Variants in MBNL2 observed in about 807,000 individuals in gnomAD.
MBNL2 encodes the protein muscleblind like splicing regulator 2, also known as muscleblind-like protein 2.
Under a neutral mutation model 41.9 loss-of-function variants are expected in MBNL2, and 17 were observed. The ratio of observed to expected loss-of-function variants is 0.41; its 90% CI spans 0.28 to 0.61. The LOEUF is 0.61. Among genes scored for constraint, MBNL2 ranks in the 20% least tolerant of loss-of-function variants. The pLI, the probability that MBNL2 is intolerant of heterozygous loss-of-function variation, is 0.35. For missense variants in MBNL2, 336 were observed against 505.6 expected (o/e 0.66, Z 3.22); for synonymous variants, 195 against 182.9 (o/e 1.07, Z -0.53).
intron 1 of MBNL2, among the ~76,000 whole-genome samples, chr13:97,225,150 T>TA (rs1461281294): frequency 1.3e-5 from 2 of 152,232 alleles, no homozygotes; most frequent in Non-Finnish European, 2.9e-5. Flanking sequence ...ATCACATGGC[T>TA]ACCAGCCAGT....
chr13:97,147,071 A>G, the MBNL2 span, among the ~76,000 whole-genome samples: 1 of 152,200 alleles, frequency 6.6e-6, no homozygotes, highest in Non-Finnish European at 1.5e-5. Flanking sequence ...AATGGCAGTT[A>G]TCCAAACAGA....
At position 97,242,319 on chromosome 13, in the gene MBNL2, T is replaced by C. The variant is rs1446598128; in HGVS notation, c.-605+19788T>C. ...TTCATAGCCAAGGCTCCCGCATTTC[T>C]TGGGCTGCATTAGGCAACTGAGACA... On this transcript the variant is annotated intron_variant, in intron 1 of 8. Transcript: ENST00000679496. Among the ~76,000 whole-genome samples the C allele has an allele frequency of 3.3e-5, 5 of 152,198 alleles. No individual in the cohort carries two copies. In the South Asian group the frequency reaches 1.0e-3, roughly 32 times the overall value.
the MBNL2 span, among the ~76,000 whole-genome samples, chr13:97,168,389 A>G: frequency 6.6e-6 from 1 of 152,242 alleles, no homozygotes; most frequent in African/African-American, 2.4e-5. Context: ...AAAACTGTCA[A>G]TAAATGAAGA....
At chr13:97,215,191 GA>G in the MBNL2 span, among the ~76,000 whole-genome samples, 1 of 150,388 alleles carries the variant, frequency 6.6e-6, no homozygotes, top group East Asian at 1.9e-4. Flanking sequence ...CCTGGGTCAG[GA>G]GGCATGATAT....
In MBNL2 at chr13:97,393,910, G is replaced by A. The variant is rs1353546327; in HGVS notation, c.*2461G>A. The A allele has an allele frequency of 1.3e-5, 2 of 152,528 alleles. No individual in the cohort carries two copies. Among genetic ancestry groups the A allele is most frequent in the African/African-American group, 4.8e-5 (2 of 41,428 alleles). The allele number at this position is 152,528 out of a possible 1,614,324, so 9.4% of individuals were successfully genotyped here. ...AACTACATTTCACTCTTGGTTTTCA[G>A]GATATAACAGCACTTCACCGAAATA... is the stretch of plus-strand genomic sequence containing the variant. On this transcript the variant is annotated 3_prime_UTR_variant, in exon 9 of 9. Coordinates refer to ENST00000679496, the MANE Select transcript of MBNL2 (RefSeq NM_001382683.1).
intron 1 of MBNL2, among the ~76,000 whole-genome samples, chr13:97,224,460 C>A (rs2041286287): frequency 6.6e-6 from 1 of 152,058 alleles, no homozygotes; most frequent in Non-Finnish European, 1.5e-5. Context: ...TTGACTGGAG[C>A]ACATTGGAGT....
intron 1 of MBNL2, among the ~76,000 whole-genome samples, chr13:97,271,778 A>G (rs191657316): frequency 6.6e-6 from 1 of 152,326 alleles, no homozygotes; most frequent in East Asian, 1.9e-4. Context: ...GCTGCATAGT[A>G]TTCCATGTTG....
At chr13:97,347,173 C>T (rs930514527) in intron 5 of MBNL2, 106 bp downstream of exon 5, 37 of 861,420 alleles carry the variant, frequency 4.3e-5, no homozygotes, top group Non-Finnish European at 5.4e-5. Context: ...TGGAAGGCTG[C>T]TATTCCTGCT....
the MBNL2 span, among the ~76,000 whole-genome samples, chr13:97,210,172 T>C: frequency 6.6e-6 from 1 of 152,256 alleles, no homozygotes; most frequent in Non-Finnish European, 1.5e-5. Context: ...CAGAGATTTT[T>C]TTCTAAGTGT....
the MBNL2 span, among the ~76,000 whole-genome samples, chr13:97,179,974 A>G: frequency 1.3e-5 from 2 of 152,244 alleles, no homozygotes; most frequent in Non-Finnish European, 2.9e-5. Flanking sequence ...ATAGAGCATG[A>G]ACAATTTCTG....
At chr13:97,207,128 A>C in the MBNL2 span, among the ~76,000 whole-genome samples, 1 of 152,202 alleles carries the variant, frequency 6.6e-6, no homozygotes, top group East Asian at 1.9e-4. Context: ...AAAGTGCTAG[A>C]GAAAACCTGT....
the MBNL2 span, among the ~76,000 whole-genome samples, chr13:97,176,999 C>G: frequency 2.0e-5 from 3 of 151,908 alleles, no homozygotes; most frequent in African/African-American, 7.3e-5. Flanking sequence ...GAAATGGATA[C>G]GAAGCAAGGT....
intron 4 of MBNL2, among the ~76,000 whole-genome samples, chr13:97,343,986 A>G (rs185470950): frequency 7.1e-4 from 108 of 152,230 alleles, no homozygotes; most frequent in Middle Eastern, 3.4e-3. Flanking sequence ...TTGTATTTTT[A>G]GTAGAGACAG....
At chr13:97,237,974 G>A (rs1026688644) in intron 1 of MBNL2, among the ~76,000 whole-genome samples, 1 of 152,150 alleles carries the variant, frequency 6.6e-6, no homozygotes, top group Non-Finnish European at 1.5e-5. Context: ...AGGATTGACT[G>A]GGGCCAAGGG....
chr13:97,263,475 G>C (rs1437026834), intron 1 of MBNL2, among the ~76,000 whole-genome samples: 1 of 152,142 alleles, frequency 6.6e-6, no homozygotes. Context: ...TACCCTGAGG[G>C]ACATGGTGGA....
At chr13:97,364,356 A>G (rs183927131) in intron 7 of MBNL2, among the ~76,000 whole-genome samples, 5 of 151,978 alleles carry the variant, frequency 3.3e-5, no homozygotes, top group African/African-American at 7.3e-5. Flanking sequence ...CTCAGCCCCA[A>G]CTCTGCACTA....
intron 8 of MBNL2, among the ~76,000 whole-genome samples, chr13:97,383,854 AGT>A (rs1566454729): frequency 6.6e-6 from 1 of 152,104 alleles, no homozygotes; most frequent in Non-Finnish European, 1.5e-5. Context: ...ACTATTTTTA[AGT>A]GTCTTTTCAT....
upstream of MBNL2, chr13:97,222,195 G>A: frequency 2.6e-6 from 1 of 386,034 alleles, no homozygotes; most frequent in Non-Finnish European, 4.6e-6. Flanking sequence ...CACACTGCAA[G>A]TGCTGTGTTA....
At chr13:97,368,673 A>C (rs766212840) in intron 8 of MBNL2, among the ~76,000 whole-genome samples, 1 of 151,398 alleles carries the variant, frequency 6.6e-6, no homozygotes, top group Non-Finnish European at 1.5e-5. Flanking sequence ...AAACTTTGAG[A>C]GAGAGATTCC....
Sources: gnomAD v4.1 joint callset for allele counts (sites outside exome capture counted in the v4.1 genomes callset) on GRCh38, gnomAD v4.1.1 for gene constraint, MANE v1.5 for transcripts, NCBI Gene and HGNC (gene_info 2026-07-23, HGNC 2026-07-21) for gene names.